TEX2: variants seen among roughly 807,000 people sequenced by gnomAD.
TEX2 encodes testis expressed 2, also known as testis-expressed protein 2.
A neutral mutation model predicts 106.9 loss-of-function variants in TEX2; 53 were observed. The ratio of observed to expected loss-of-function variants is 0.50; its 90% CI spans 0.40 to 0.62. The LOEUF (loss-of-function observed/expected upper bound fraction) is 0.62, where lower values mean the gene tolerates loss of function less well. Ranked by LOEUF, TEX2 falls within the 20% of genes least tolerant of loss-of-function variation. The pLI is 0.00. For missense variants in TEX2, 1,207 were observed against 1,379.0 expected, an observed-to-expected ratio of 0.88 and a Z score of 1.98; for synonymous variants, 523 against 534.8, an observed-to-expected ratio of 0.98 and a Z score of 0.30.
At chr17:64,231,038 T>A (rs1307961310) in intron 1 of TEX2, among the ~76,000 whole-genome samples, 2 of 152,222 alleles carry the variant, frequency 1.3e-5, no homozygotes, top group Non-Finnish European at 2.9e-5. Flanking sequence ...TGTAGAAACA[T>A]CCCTTATGTG....
intron 1 of TEX2, among the ~76,000 whole-genome samples, chr17:64,219,313 C>A (rs191476821): frequency 1.3e-5 from 2 of 152,158 alleles, no homozygotes; most frequent in East Asian, 3.9e-4. Context: ...CGAGACCAGC[C>A]TGGCCAACAT....
chr17:64,204,160 C>A (rs1354296955), intron 2 of TEX2, among the ~76,000 whole-genome samples: 1 of 152,190 alleles, frequency 6.6e-6, no homozygotes, highest in African/African-American at 2.4e-5. Context: ...CTTTTCAGAT[C>A]ACGCATTCTA....
rs202157210 is a variant in TEX2, at chr17:64,213,116, C to G, written c.1102G>C (p.Asp368His). Residue 368 changes from aspartate (D) to histidine (H), a missense_variant, in exon 2 of 12, where the codon GAC becomes CAC. Transcript: ENST00000584379. The surrounding 1 kb of genome is among the most constrained non-coding windows in gnomAD (Gnocchi z 4.4). ...GGCTCACCAGTGGACTTTGGGTGGT[C>G]ACTTCTGGGGATGTTGGAATCACTT... ...YGSDSNIPRS[D>H]HPKSTGEPTR... is the part of the protein sequence containing the mutation. The G allele has an allele frequency of 8.4e-5, 135 of 1,614,168 alleles. 1 individual carries two copies. The East Asian group carries it at 2.2e-3, about 27-fold the overall frequency.
rs759739317 is a variant in TEX2, at chr17:64,150,876, C to T, written c.3226G>A (p.Asp1076Asn). 6.2e-7 allele frequency: 1 copy of T among 1,613,848 alleles called. No individual in the cohort carries two copies. Among genetic ancestry groups the T allele is most frequent in the South Asian group, 1.1e-5 (1 of 90,998 alleles). Residue 1076 changes from aspartate to asparagine, a missense_variant, in exon 11 of 12, where the codon GAC (aspartate) becomes AAC (asparagine). Coordinates refer to ENST00000584379, the MANE Select transcript of TEX2 (RefSeq NM_001288732.2). ...TGCTCCAGTTTCTTCTCTATCCAGT[C>T]TGTCACATGAACTAAAGTCACTTCT... Reference protein sequence around the residue: ...EREVTLVHVTDWIEKKLEQEF... With the variant: ...EREVTLVHVTNWIEKKLEQEF...
At chr17:64,259,181 ACAGGTGAAACTGT>A (rs2034243767) in intron 1 of TEX2, among the ~76,000 whole-genome samples, 1 of 152,228 alleles carries the variant, frequency 6.6e-6, no homozygotes, top group Non-Finnish European at 1.5e-5. Context: ...AGCAGGGATG[ACAGGTGAAACTGT>A]CAGGACTGTA....
At position 64,193,208 on chromosome 17, in the gene TEX2, C is replaced by A. The variant is rs112342024; in HGVS notation, c.2176+351G>T. On this transcript the variant is annotated intron_variant, in intron 4 of 11. Coordinates refer to ENST00000584379, the MANE Select transcript of TEX2 (RefSeq NM_001288732.2). Reference sequence around the variant, plus strand: ...GAAGACATATTGAGGGTCAGGTGCTCGAAAGTACCAGCCTGAAGGATCTCC... The same window carrying A: ...GAAGACATATTGAGGGTCAGGTGCTAGAAAGTACCAGCCTGAAGGATCTCC... Among the ~76,000 whole-genome samples the A allele has an allele frequency of 7.7e-3, 1,168 of 152,280 alleles. 15 individuals are homozygous for A. Among genetic ancestry groups the A allele is most frequent in the African/African-American group, 0.026 (1,093 of 41,556 alleles).
chr17:64,191,817 C>CAAAAAAAAAAAAAAAAAAAAAAA (rs58376086), intron 4 of TEX2, among the ~76,000 whole-genome samples: 3 of 119,900 alleles, frequency 2.5e-5, no homozygotes, highest in African/African-American at 1.1e-4. Context: ...GACTCCATCT[C>CAAAAAAAAAAAAAAAAAAAAAAA]AAAAAAAAAA....
chr17:64,211,128 T>G (rs540099866), intron 2 of TEX2, among the ~76,000 whole-genome samples: 1 of 152,234 alleles, frequency 6.6e-6, no homozygotes, highest in East Asian at 1.9e-4. Context: ...GCCCAGCTAA[T>G]TTTTGTATTT....
chr17:64,230,920 T>C (rs1434144177), intron 1 of TEX2, among the ~76,000 whole-genome samples: 3 of 152,244 alleles, frequency 2.0e-5, no homozygotes, highest in Non-Finnish European at 4.4e-5. Flanking sequence ...AGCTGACTAA[T>C]GTGCCTAAGG....
intron 1 of TEX2, among the ~76,000 whole-genome samples, chr17:64,214,456 A>G (rs1188567537): frequency 6.6e-6 from 1 of 152,240 alleles, no homozygotes; most frequent in Non-Finnish European, 1.5e-5. Context: ...TACATAACCA[A>G]TGTTATAAAT....
chr17:64,199,718 T>C (rs1174732287), intron 2 of TEX2, among the ~76,000 whole-genome samples: 3 of 152,262 alleles, frequency 2.0e-5, no homozygotes, highest in Non-Finnish European at 4.4e-5. Flanking sequence ...CAGAATCCAG[T>C]GCGTACTTTA....
intron 1 of TEX2, among the ~76,000 whole-genome samples, chr17:64,250,838 T>C (rs1481524818): frequency 1.3e-5 from 2 of 152,130 alleles, no homozygotes; most frequent in Non-Finnish European, 2.9e-5. Context: ...CATGTCACCA[T>C]GCCCAGCTAA....
chr17:64,155,917 C>T (rs2030603894), intron 8 of TEX2: 1 of 152,198 alleles, frequency 6.6e-6, no homozygotes, highest in African/African-American at 2.4e-5. Flanking sequence ...AGCCCAGAGA[C>T]TTAAATGGGA....
chr17:64,224,073 C>T (rs1368386986), intron 1 of TEX2, among the ~76,000 whole-genome samples: 1 of 152,200 alleles, frequency 6.6e-6, no homozygotes, highest in Non-Finnish European at 1.5e-5. Flanking sequence ...TTTGCTACCT[C>T]TGAACAAGCT....
In TEX2 at chr17:64,237,293, T is replaced by C. The variant is rs147430538; in HGVS notation, c.-25-23051A>G. On this transcript the variant is annotated intron_variant, in intron 1 of 11. Transcript: ENST00000584379. ...AGCAGCTTCTCGGGGGTGAGTATTA[T>C]ACACACAGTATGAGACAGGAGTGCG... is the stretch of plus-strand genomic sequence containing the variant. 5.2e-3 allele frequency among the ~76,000 whole-genome samples: 787 copies of C among 151,912 alleles called. 3 individuals are homozygous for C. Among genetic ancestry groups the C allele is most frequent in the Admixed American group, 9.4e-3 (143 of 15,268 alleles).
intron 4 of TEX2, among the ~76,000 whole-genome samples, chr17:64,191,117 T>C (rs888257458): frequency 6.6e-6 from 1 of 152,208 alleles, no homozygotes; most frequent in Non-Finnish European, 1.5e-5. Flanking sequence ...AATATCTCAA[T>C]TCATAGCTTT....
intron 5 of TEX2, 95 bp downstream of exon 5, chr17:64,188,073 C>G: frequency 7.1e-7 from 1 of 1,408,354 alleles, no homozygotes; most frequent in Non-Finnish European, 9.7e-7. Context: ...CCACTGTTAT[C>G]CCAGTGCCCA....
At chr17:64,252,693 T>C (rs931272759) in intron 1 of TEX2, among the ~76,000 whole-genome samples, 2 of 152,130 alleles carry the variant, frequency 1.3e-5, no homozygotes, top group Non-Finnish European at 2.9e-5. Context: ...CTTTCATTCA[T>C]TCACCCCGAG....
chr17:64,169,286 G>A lies in TEX2; in HGVS notation c.2671+1814C>T, dbSNP rs180942178. 1.1e-4 allele frequency among the ~76,000 whole-genome samples: 16 copies of A among 152,258 alleles called. 1 individual carries two copies. Among genetic ancestry groups the A allele is most frequent in the Admixed American group, 8.5e-4 (13 of 15,296 alleles). Reference sequence around the variant, plus strand: ...ACTCCTGGTCTCAAGTGATCTACCTGCCTTGGCCTTTAAAAGTGCTAGGAT... The same window carrying A: ...ACTCCTGGTCTCAAGTGATCTACCTACCTTGGCCTTTAAAAGTGCTAGGAT... On this transcript the variant is annotated intron_variant, in intron 7 of 11. Coordinates refer to ENST00000584379, the MANE Select transcript of TEX2 (RefSeq NM_001288732.2).
Sources: gnomAD v4.1 joint callset for allele counts (sites outside exome capture counted in the v4.1 genomes callset) on GRCh38, gnomAD v4.1.1 for gene constraint, Gnocchi (gnomAD v3.1) non-coding constraint, MANE v1.5 for transcripts, NCBI Gene and HGNC (gene_info 2026-07-23, HGNC 2026-07-21) for gene names.